GRM1: variants seen among roughly 807,000 people sequenced by gnomAD.
GRM1 encodes the protein metabotropic glutamate receptor 1.
In GRM1, 33 loss-of-function variants were observed where a neutral mutation model predicts 90.9. The ratio of observed to expected loss-of-function variants is 0.36; its 90% CI spans 0.28 to 0.49. The LOEUF (loss-of-function observed/expected upper bound fraction) is 0.49, where lower values mean the gene tolerates loss of function less well. GRM1 is among the 20% of genes least tolerant of loss of function. The pLI, the probability that GRM1 is intolerant of heterozygous loss-of-function variation, is 0.99. For synonymous variants in GRM1, 700 were observed against 613.2 expected (o/e 1.14, Z -2.09); for missense variants, 1,190 against 1,534.3 (o/e 0.78, Z 3.75).
At chr6:146,049,816 T>C (rs1338829733) in intron 1 of GRM1, among the ~76,000 whole-genome samples, 1 of 151,990 alleles carries the variant, frequency 6.6e-6, no homozygotes, top group Non-Finnish European at 1.5e-5. Flanking sequence ...TGCCAAACAC[T>C]GTGCAATTGT....
chr6:146,077,532 C>G (rs1246864293), intron 1 of GRM1, among the ~76,000 whole-genome samples: 1 of 152,170 alleles, frequency 6.6e-6, no homozygotes. Context: ...TGTGGTAGAA[C>G]AAGCACTAGC....
At chr6:146,116,132 A>G (rs990962326) in intron 1 of GRM1, among the ~76,000 whole-genome samples, 1 of 151,924 alleles carries the variant, frequency 6.6e-6, no homozygotes, top group Non-Finnish European at 1.5e-5. Flanking sequence ...TGTATTTTTA[A>G]TAATAGTAGA....
rs542583237 is a variant in GRM1 at position 146,300,258 on chromosome 6, C to T, written c.951-4353C>T. 2.0e-4 allele frequency among the ~76,000 whole-genome samples: 31 copies of T among 152,224 alleles called. No homozygotes were observed. The South Asian group carries it at 5.4e-3, about 26-fold the overall frequency. Reference sequence around the variant, plus strand: ...TAGGTTTTTCTAAAATGTTTTTGCACATTTAAAAAATACTATTGTATTTCT... The same window carrying T: ...TAGGTTTTTCTAAAATGTTTTTGCATATTTAAAAAATACTATTGTATTTCT... On this transcript the variant is annotated intron_variant, in intron 2 of 7. Transcript: ENST00000282753.
At chr6:146,146,610 G>A (rs1777117867) in intron 1 of GRM1, among the ~76,000 whole-genome samples, 3 of 152,102 alleles carry the variant, frequency 2.0e-5, no homozygotes. Context: ...TCCCCAATGT[G>A]GTAGTATTGA....
At position 146,384,253 on chromosome 6, in the gene GRM1, G is replaced by A. The variant is rs185022389; in HGVS notation, c.1603-2637G>A. Among the ~76,000 whole-genome samples, 192 of 152,142 alleles carry A rather than the reference G, an allele frequency of 1.3e-3. 3 individuals are homozygous for A. The highest frequency in any genetic ancestry group is 2.3e-3 in the Non-Finnish European group (156 of 67,976). ...TTGAATACTAGTCTACATGTCAGCC[G>A]GCTGGAATTTTGAGTCCGAGTAAGG... is the stretch of plus-strand genomic sequence containing the variant. On this transcript the variant is annotated intron_variant, in intron 5 of 7. Transcript: ENST00000282753.
At chr6:146,296,520 C>A (rs1783183476) in intron 2 of GRM1, among the ~76,000 whole-genome samples, 1 of 152,254 alleles carries the variant, frequency 6.6e-6, no homozygotes. Flanking sequence ...AGAACTTATT[C>A]TCCCTGTTGA....
rs117605163 is a variant in GRM1, at chr6:146,209,369, A to G, written c.950+49772A>G. On this transcript the variant is annotated intron_variant, in intron 2 of 7. Transcript: ENST00000282753. The stretch of plus-strand genomic sequence containing the variant: ...CCAAAGTGTTTTAAAGATCTGGGAC[A>G]TTTTTGATTAAGTAGGTGAAGGTTG... Among the ~76,000 whole-genome samples, 125 of 152,242 alleles carry G rather than the reference A, an allele frequency of 8.2e-4. 2 individuals are homozygous for G. The East Asian group carries it at 0.018, about 21-fold the overall frequency.
intron 1 of GRM1, among the ~76,000 whole-genome samples, chr6:146,042,149 C>T (rs1791135309): frequency 6.6e-6 from 1 of 152,004 alleles, no homozygotes; most frequent in African/African-American, 2.4e-5. Flanking sequence ...TCTTTTAATA[C>T]CACCACAATG....
chr6:146,230,897 T>A (rs1418876673), intron 2 of GRM1, among the ~76,000 whole-genome samples: 1 of 152,124 alleles, frequency 6.6e-6, no homozygotes, highest in Non-Finnish European at 1.5e-5. Context: ...AAGTGAGAGA[T>A]GTCAATCTGA....
At chr6:146,197,417 T>C (rs1190281571) in intron 2 of GRM1, among the ~76,000 whole-genome samples, 7 of 152,244 alleles carry the variant, frequency 4.6e-5, no homozygotes, top group Non-Finnish European at 1.0e-4. Flanking sequence ...AGTTGACTTA[T>C]GGTCCTTGGA....
chr6:146,221,038 C>G (rs1249174851), intron 2 of GRM1, among the ~76,000 whole-genome samples: 1 of 151,752 alleles, frequency 6.6e-6, no homozygotes, highest in African/African-American at 2.4e-5. Flanking sequence ...AGGTAAGAGT[C>G]TGGTTGTGTC....
At chr6:146,376,131 C>T (rs756301214) in intron 5 of GRM1, among the ~76,000 whole-genome samples, 1 of 151,928 alleles carries the variant, frequency 6.6e-6, no homozygotes, top group Non-Finnish European at 1.5e-5. Flanking sequence ...AACACTGTTT[C>T]AATAAACAAA....
intron 2 of GRM1, chr6:146,159,848 G>A: frequency 2.3e-6 from 1 of 431,844 alleles, no homozygotes; most frequent in Non-Finnish European, 4.3e-6. Flanking sequence ...CCAGGAGTTT[G>A]AGGTTACAGT....
intron 1 of GRM1, among the ~76,000 whole-genome samples, chr6:146,095,611 T>G (rs1776849525): frequency 6.6e-6 from 1 of 152,158 alleles, no homozygotes; most frequent in African/African-American, 2.4e-5. Context: ...GTAGCTATCA[T>G]GTTCCTCTCT....
At chr6:146,062,607 T>C (rs996728946) in intron 1 of GRM1, among the ~76,000 whole-genome samples, 3 of 152,190 alleles carry the variant, frequency 2.0e-5, no homozygotes, top group African/African-American at 7.2e-5. Flanking sequence ...ATTTATCCAG[T>C]ACTGTGCATA....
chr6:146,191,051 C>T (rs577006425), intron 2 of GRM1, among the ~76,000 whole-genome samples: 1 of 152,308 alleles, frequency 6.6e-6, no homozygotes, highest in Admixed American at 6.5e-5. Flanking sequence ...TCTCTCTCAC[C>T]TCTGTGCCTC....
intron 2 of GRM1, among the ~76,000 whole-genome samples, chr6:146,291,952 A>G (rs1234366492): frequency 2.0e-5 from 3 of 152,168 alleles, no homozygotes; most frequent in African/African-American, 7.2e-5. Flanking sequence ...ATGTGGTACC[A>G]GCATAAGGAC....
At chr6:146,178,647 A>G (rs1202913861) in intron 2 of GRM1, among the ~76,000 whole-genome samples, 2 of 152,178 alleles carry the variant, frequency 1.3e-5, no homozygotes, top group East Asian at 1.9e-4. Flanking sequence ...GTTTTGGGAC[A>G]TTTTGGATTT....
At chr6:146,090,621 A>G (rs938966074) in intron 1 of GRM1, among the ~76,000 whole-genome samples, 2 of 152,118 alleles carry the variant, frequency 1.3e-5, no homozygotes, top group Non-Finnish European at 2.9e-5. Context: ...TAGCTGTGCC[A>G]GCATGAGTCA....
Sources: gnomAD v4.1 joint callset for allele counts (sites outside exome capture counted in the v4.1 genomes callset) on GRCh38, gnomAD v4.1.1 for gene constraint, MANE v1.5 for transcripts, NCBI Gene and HGNC (gene_info 2026-07-23, HGNC 2026-07-21) for gene names.